TMEM232: variants seen among roughly 807,000 people sequenced by gnomAD.
TMEM232 encodes the protein transmembrane protein 232.
In TMEM232, 80 loss-of-function variants were observed where a neutral mutation model predicts 78.8. The observed-to-expected ratio is 1.01, with a 90% CI of 0.85 to 1.22. The LOEUF is 1.22. TMEM232 is among the 50% of genes most tolerant of loss of function. The pLI is 0.00. For missense variants in TMEM232, 881 were observed against 742.2 expected (o/e 1.19, Z -2.17); for synonymous variants, 297 against 254.3 (o/e 1.17, Z -1.60).
chr5:110,695,491 T>C (rs1794659001), intron 1 of TMEM232, among the ~76,000 whole-genome samples: 1 of 151,884 alleles, frequency 6.6e-6, no homozygotes, highest in Non-Finnish European at 1.5e-5. Context: ...AAAAAACCCC[T>C]CAAAAAATCA....
At chr5:110,636,387 A>G (rs1006164738) in intron 5 of TMEM232, among the ~76,000 whole-genome samples, 1 of 152,042 alleles carries the variant, frequency 6.6e-6, no homozygotes, top group Non-Finnish European at 1.5e-5. Context: ...TGTATATTTC[A>G]AAGTAACTAG....
At chr5:110,475,670 G>C (rs973631076) in intron 12 of TMEM232, among the ~76,000 whole-genome samples, 2 of 151,788 alleles carry the variant, frequency 1.3e-5, no homozygotes, top group Non-Finnish European at 2.9e-5. Context: ...GGCCAAAGTG[G>C]CTAGTTTGTT....
intron 12 of TMEM232, among the ~76,000 whole-genome samples, chr5:110,527,706 A>G (rs975294785): frequency 2.0e-5 from 3 of 152,006 alleles, no homozygotes; most frequent in African/African-American, 7.2e-5. Context: ...CAATCTATTA[A>G]TCAATCAATC....
At chr5:110,549,087 A>G (rs1774135028) in intron 11 of TMEM232, among the ~76,000 whole-genome samples, 1 of 152,104 alleles carries the variant, frequency 6.6e-6, no homozygotes, top group Admixed American at 6.6e-5. Context: ...AATATTGCTT[A>G]TCACACTTTT....
intron 12 of TMEM232, among the ~76,000 whole-genome samples, chr5:110,458,591 CCT>C (rs754518631): frequency 1.3e-5 from 2 of 152,126 alleles, no homozygotes; most frequent in African/African-American, 4.8e-5. Flanking sequence ...GCATTTATTC[CCT>C]GATACCTCTC....
chr5:110,650,008 T>G (rs1450274813), intron 2 of TMEM232, among the ~76,000 whole-genome samples: 1 of 152,112 alleles, frequency 6.6e-6, no homozygotes, highest in African/African-American at 2.4e-5. Context: ...GAAAGTTAAA[T>G]GAAATAATGC....
At chr5:110,629,265 A>G (rs1161640246) in intron 5 of TMEM232, among the ~76,000 whole-genome samples, 1 of 152,130 alleles carries the variant, frequency 6.6e-6, no homozygotes, top group Non-Finnish European at 1.5e-5. Flanking sequence ...TCAAAAATGT[A>G]ATAGGGGACA....
intron 12 of TMEM232, among the ~76,000 whole-genome samples, chr5:110,445,052 A>G (rs545069478): frequency 2.4e-4 from 37 of 151,966 alleles, no homozygotes; most frequent in African/African-American, 8.7e-4. Flanking sequence ...ATTCTTTTCT[A>G]TAGCCCTCAT....
chr5:110,509,063 T>A (rs371450386), intron 12 of TMEM232, among the ~76,000 whole-genome samples: 1 of 146,948 alleles, frequency 6.8e-6, no homozygotes, highest in African/African-American at 2.5e-5. Context: ...TATGTATATA[T>A]AATTATATAT....
At chr5:110,409,026 T>A (rs1056283564) in intron 2 of TMEM232, among the ~76,000 whole-genome samples, 3 of 152,196 alleles carry the variant, frequency 2.0e-5, no homozygotes, top group Non-Finnish European at 2.9e-5. Flanking sequence ...GATGGTGTTA[T>A]GCAACACTAT....
At chr5:110,582,106 C>T (rs1778274181) in intron 10 of TMEM232, among the ~76,000 whole-genome samples, 1 of 151,998 alleles carries the variant, frequency 6.6e-6, no homozygotes, top group Non-Finnish European at 1.5e-5. Flanking sequence ...TTGGAGATTT[C>T]TCAAAGTTCT....
intron 12 of TMEM232, among the ~76,000 whole-genome samples, chr5:110,518,365 A>G (rs1488357500): frequency 2.0e-5 from 3 of 152,170 alleles, no homozygotes; most frequent in Non-Finnish European, 4.4e-5. Flanking sequence ...CTGTGGCTCC[A>G]GACAAATTAT....
intron 12 of TMEM232, among the ~76,000 whole-genome samples, chr5:110,461,450 G>C (rs1761519134): frequency 6.6e-6 from 1 of 152,200 alleles, no homozygotes; most frequent in Non-Finnish European, 1.5e-5. Context: ...AAGGAAATAA[G>C]TTGTTCCTAT....
At chr5:110,541,233 G>C (rs1392797666) in intron 11 of TMEM232, among the ~76,000 whole-genome samples, 1 of 152,136 alleles carries the variant, frequency 6.6e-6, no homozygotes, top group Non-Finnish European at 1.5e-5. Flanking sequence ...AAGCAGGTCT[G>C]TCAAGCCTGC....
intron 12 of TMEM232, among the ~76,000 whole-genome samples, chr5:110,465,636 T>TATAGACAACTAATCTAGA (rs1761994016): frequency 6.6e-6 from 1 of 152,208 alleles, no homozygotes; most frequent in East Asian, 1.9e-4. Flanking sequence ...ATCTAACACA[T>TATAGACAACTAATCTAGA]ATAGACAACT....
chr5:110,598,412 G>A (rs563139794), intron 10 of TMEM232, among the ~76,000 whole-genome samples: 26 of 152,128 alleles, frequency 1.7e-4, no homozygotes, highest in Non-Finnish European at 2.9e-4. Context: ...CACTGTTGGT[G>A]GGACTGTAAA....
chr5:110,388,992 G>A (rs932058088), intron 4 of TMEM232, among the ~76,000 whole-genome samples: 11 of 152,154 alleles, frequency 7.2e-5, no homozygotes, highest in African/African-American at 2.7e-4. Flanking sequence ...CGGGTGCAGT[G>A]GCTCATGCCT....
intron 11 of TMEM232, among the ~76,000 whole-genome samples, chr5:110,555,027 C>T (rs1156990117): frequency 6.6e-6 from 1 of 151,846 alleles, no homozygotes; most frequent in Non-Finnish European, 1.5e-5. Flanking sequence ...CAGTTCAGCT[C>T]TTATTTTGGT....
At chr5:110,537,734 G>C (rs1167874104) in intron 11 of TMEM232, among the ~76,000 whole-genome samples, 1 of 152,180 alleles carries the variant, frequency 6.6e-6, no homozygotes, top group African/African-American at 2.4e-5. Flanking sequence ...AAGAGCTGAG[G>C]GGCCAGTCCT....
Sources: allele counts gnomAD v4.1 joint callset (sites outside exome capture counted in the v4.1 genomes callset), GRCh38; gene constraint gnomAD v4.1.1; transcripts MANE v1.5; gene names NCBI Gene and HGNC (gene_info 2026-07-23, HGNC 2026-07-21).